NRDC: variants seen among roughly 807,000 people sequenced by gnomAD.
NRDC encodes nardilysin.
A neutral mutation model predicts 147.1 loss-of-function variants in NRDC; 54 were observed. That is an observed-to-expected ratio of 0.37 (90% CI 0.29 to 0.46). The LOEUF (loss-of-function observed/expected upper bound fraction) is 0.46, where lower values mean the gene tolerates loss of function less well. Among genes scored for constraint, NRDC ranks in the 20% least tolerant of loss-of-function variants. The pLI, the probability that NRDC is intolerant of heterozygous loss-of-function variation, is 1.00. For synonymous variants in NRDC, 440 were observed against 482.1 expected (o/e 0.91, Z 1.14); for missense variants, 1,082 against 1,370.6 (o/e 0.79, Z 3.33).
chr1:51,841,901 G>C (rs1681281066), intron 1 of NRDC, among the ~76,000 whole-genome samples: 1 of 152,194 alleles, frequency 6.6e-6, no homozygotes, highest in African/African-American at 2.4e-5. Flanking sequence ...TTTGGCCTAA[G>C]ATGGAAGACT....
At chr1:51,803,212 C>T (rs554320403) in intron 20 of NRDC, among the ~76,000 whole-genome samples, 20 of 152,288 alleles carry the variant, frequency 1.3e-4, no homozygotes, top group South Asian at 8.3e-4. Flanking sequence ...TGGTGGCTCA[C>T]GCCTATAATC....
chr1:51,834,814 C>T (rs1205605398), intron 3 of NRDC, among the ~76,000 whole-genome samples: 1 of 151,786 alleles, frequency 6.6e-6, no homozygotes, highest in African/African-American at 2.4e-5. Context: ...CAAACAAATT[C>T]ACAAACATAT....
intron 1 of NRDC, among the ~76,000 whole-genome samples, chr1:51,869,911 T>C (rs1001669144): frequency 2.0e-5 from 3 of 152,196 alleles, no homozygotes; most frequent in Non-Finnish European, 4.4e-5. Flanking sequence ...CAAAATACAC[T>C]TAAAAAAATT....
At chr1:51,827,674 T>A (rs898093814) in intron 5 of NRDC, 122 bp downstream of exon 5, 1 of 703,232 alleles carries the variant, frequency 1.4e-6, no homozygotes, top group African/African-American at 1.8e-5. Context: ...ATAACACATA[T>A]TTCAATTTAG....
At chr1:51,801,169 T>G (rs1488755808) in intron 20 of NRDC, 1 of 152,568 alleles carries the variant, frequency 6.6e-6, no homozygotes, top group African/African-American at 2.4e-5. Context: ...TTCTTCCTTT[T>G]TTATCATTTC....
rs186388339 is a variant in NRDC at position 51,796,876 on chromosome 1, G to A, written c.2604+1373C>T. 2.3e-4 allele frequency among the ~76,000 whole-genome samples: 32 copies of A among 141,888 alleles called. No homozygotes were observed. The East Asian group carries it at 6.6e-3, about 29-fold the overall frequency. The allele number at this position is 141,888 out of a possible 152,430, so 93.1% of individuals were successfully genotyped here. ...GCTGGGATTACAGGCGTGAGCCACC[G>A]CGCCTGGCCAATCTCAACCATTTTT... is the stretch of plus-strand genomic sequence containing the variant. On this transcript the variant is annotated intron_variant, in intron 22 of 30. Coordinates refer to ENST00000352171, the MANE Select transcript of NRDC (RefSeq NM_001101662.2).
intron 1 of NRDC, among the ~76,000 whole-genome samples, chr1:51,876,219 A>T (rs974563968): frequency 1.2e-4 from 18 of 152,182 alleles, no homozygotes; most frequent in Non-Finnish European, 2.4e-4. Flanking sequence ...GCAAAAACTA[A>T]GCACCTTTTA....
intron 25 of NRDC, 114 bp downstream of exon 25, chr1:51,792,263 C>T (rs893873014): frequency 3.0e-6 from 4 of 1,352,064 alleles, no homozygotes; most frequent in South Asian, 1.2e-5. Context: ...GACCATCTCA[C>T]CTTCAAATCA....
chr1:51,862,063 T>A (rs1027706894), intron 1 of NRDC: 2 of 152,198 alleles, frequency 1.3e-5, no homozygotes, highest in Non-Finnish European at 2.9e-5. Context: ...GAATGAGTTA[T>A]CATAGGTAAT....
chr1:51,817,423 A>G (rs1339910690), intron 10 of NRDC, among the ~76,000 whole-genome samples: 2 of 152,044 alleles, frequency 1.3e-5, no homozygotes, highest in African/African-American at 4.8e-5. Context: ...CCCATGCTAC[A>G]CTGCTCATAT....
At chr1:51,846,223 C>T (rs1486954898) in intron 1 of NRDC, among the ~76,000 whole-genome samples, 1 of 152,068 alleles carries the variant, frequency 6.6e-6, no homozygotes, top group African/African-American at 2.4e-5. Context: ...AGTGATTCTC[C>T]TGCCTTAAGC....
Position 51,814,535 on chromosome 1 carries a change from A to G in NRDC, c.1619+16T>C. ...CAGGACTGGCTCCTGGCCTCATTCC[A>G]GGAAGTGTTTATTACCTTTTTTCTG... On this transcript the variant is annotated intron_variant, in intron 13 of 30. Transcript: ENST00000352171. 6.2e-7 allele frequency: 1 copy of G among 1,611,944 alleles called. No individual in the cohort carries two copies. The highest frequency in any genetic ancestry group is 8.5e-7 in the Non-Finnish European group (1 of 1,178,232).
chr1:51,807,803 T>C (rs1351721695), intron 17 of NRDC, among the ~76,000 whole-genome samples: 5 of 150,676 alleles, frequency 3.3e-5, no homozygotes, highest in Non-Finnish European at 7.4e-5. Flanking sequence ...ATACTTTTTT[T>C]TTTTTTTTTT....
chr1:51,836,465 G>GA, intron 2 of NRDC: 1 of 1,596,318 alleles, frequency 6.3e-7, no homozygotes, highest in Non-Finnish European at 8.6e-7. Flanking sequence ...GAAACAGACA[G>GA]AAAAAAAGGG....
At chr1:51,852,287 G>T (rs776790967) in intron 1 of NRDC, among the ~76,000 whole-genome samples, 1 of 151,768 alleles carries the variant, frequency 6.6e-6, no homozygotes, top group Non-Finnish European at 1.5e-5. Flanking sequence ...AATATCTTTG[G>T]GGTGAAAAGA....
intron 1 of NRDC, among the ~76,000 whole-genome samples, chr1:51,864,265 A>G (rs1386451432): frequency 6.6e-6 from 1 of 152,230 alleles, no homozygotes; most frequent in Non-Finnish European, 1.5e-5. Flanking sequence ...ATGTGGAAAG[A>G]CATTTTCAAA....
At chr1:51,791,738 G>A (rs1678667836) in intron 26 of NRDC, 77 bp from the exon 27 acceptor site, 7 of 1,212,122 alleles carry the variant, frequency 5.8e-6, no homozygotes, top group Non-Finnish European at 7.3e-6. Flanking sequence ...AGATAGGAGT[G>A]GGAAAAGTTT....
chr1:51,812,987 C>CAAAAAAAAAAAAAAAAAAAAAA (rs1295063644), intron 14 of NRDC, among the ~76,000 whole-genome samples: 2 of 98,282 alleles, frequency 2.0e-5, no homozygotes. Context: ...AAAAAAAAAT[C>CAAAAAAAAAAAAAAAAAAAAAA]AAAATGTGTT....
chr1:51,842,282 G>C (rs1681309420), intron 1 of NRDC, among the ~76,000 whole-genome samples: 2 of 151,706 alleles, frequency 1.3e-5, no homozygotes, highest in South Asian at 4.1e-4. Flanking sequence ...CAGAAAACAG[G>C]AAAGGACACT....
Sources: gnomAD v4.1 joint callset for allele counts (sites outside exome capture counted in the v4.1 genomes callset) on GRCh38, gnomAD v4.1.1 for gene constraint, MANE v1.5 for transcripts, NCBI Gene and HGNC (gene_info 2026-07-23, HGNC 2026-07-21) for gene names.